Variants in COPS4 observed in about 807,000 individuals in gnomAD.
The protein encoded by COPS4 is COP9 signalosome subunit 4, also known as COP9 signalosome complex subunit 4.
A neutral mutation model predicts 55.1 loss-of-function variants in COPS4; 8 were observed. The observed-to-expected ratio is 0.15, with a 90% confidence interval of 0.09 to 0.26. The LOEUF (loss-of-function observed/expected upper bound fraction) is 0.26, where lower values mean the gene tolerates loss of function less well. Among genes scored for constraint, COPS4 ranks in the 10% least tolerant of loss-of-function variants. The pLI, the probability that COPS4 is intolerant of heterozygous loss-of-function variation, is 1.00. For missense variants in COPS4, 248 were observed against 484.0 expected (o/e 0.51, Z 4.58); for synonymous variants, 185 against 165.7 (o/e 1.12, Z -0.90).
chr4:83,045,784 T>A, intron 2 of COPS4, 79 bp downstream of exon 2: 1 of 811,622 alleles, frequency 1.2e-6, no homozygotes, highest in Non-Finnish European at 2.0e-6. Flanking sequence ...TTGTTTTGTA[T>A]CAAATTATCA....
chr4:83,055,788 C>T (rs1399438950), intron 4 of COPS4, among the ~76,000 whole-genome samples: 2 of 152,052 alleles, frequency 1.3e-5, no homozygotes, highest in Non-Finnish European at 2.9e-5. Flanking sequence ...CCAATAATAT[C>T]ATAATGGGTG....
chr4:83,056,893 TGA>T, intron 4 of COPS4, 31 bp from the exon 5 acceptor site: 2 of 1,516,154 alleles, frequency 1.3e-6, no homozygotes, highest in Non-Finnish European at 9.0e-7. Context: ...GACAAAATGT[TGA>T]GTCATTATGT....
chr4:83,038,933 G>A (rs1472318985), intron 1 of COPS4, among the ~76,000 whole-genome samples: 2 of 152,090 alleles, frequency 1.3e-5, no homozygotes, highest in South Asian at 2.1e-4. Context: ...GTGAGCCACC[G>A]CGCCTGGCCA....
intron 7 of COPS4, chr4:83,065,175 T>G: frequency 2.1e-6 from 1 of 474,244 alleles, no homozygotes; most frequent in Non-Finnish European, 3.8e-6. Context: ...TGCACCTGCC[T>G]GCTTTTTTGA....
At chr4:83,073,251 T>G (rs1409574908) in intron 9 of COPS4, 1 of 694,938 alleles carries the variant, frequency 1.4e-6, no homozygotes, top group Non-Finnish European at 2.6e-6. Context: ...ATTTACCTAG[T>G]CTGGATAGTT....
At chr4:83,045,591 C>A (rs765617130) in intron 1 of COPS4, 35 bp from the exon 2 acceptor site, 1 of 1,494,730 alleles carries the variant, frequency 6.7e-7, no homozygotes, top group South Asian at 1.1e-5. Context: ...AATATAGTAC[C>A]CTCAGAACAT....
At chr4:83,070,819 T>C (rs1359337982) in intron 9 of COPS4, among the ~76,000 whole-genome samples, 1 of 152,252 alleles carries the variant, frequency 6.6e-6, no homozygotes, top group Non-Finnish European at 1.5e-5. Flanking sequence ...CATGTTATTC[T>C]TTTGTTTACA....
At position 83,066,366 on chromosome 4, in the gene COPS4, C is replaced by G. The variant is rs548263140; in HGVS notation, c.887-72C>G. The G allele has an allele frequency of 1.5e-4, 107 of 721,934 alleles. No homozygotes were observed. The South Asian group carries it at 2.7e-3, about 18-fold the overall frequency. 44.7% of individuals were successfully genotyped at this position (721,934 alleles called of 1,614,324 possible). A position where few individuals can be genotyped will look rare whatever the true frequency, so the allele number is the denominator to read the frequency against. ...GAGTTATTACGTGCCTAGACATTTT[C>G]AGAAAAAATGATGCATCTTTTTAGA... On this transcript the variant is annotated intron_variant, in intron 7 of 9. Coordinates refer to ENST00000264389, the MANE Select transcript of COPS4 (RefSeq NM_016129.3).
chr4:83,065,929 C>T (rs1467729315), intron 7 of COPS4, among the ~76,000 whole-genome samples: 1 of 152,160 alleles, frequency 6.6e-6, no homozygotes, highest in Admixed American at 6.5e-5. Flanking sequence ...CCCAGGTGGG[C>T]GCATCACTTG....
chr4:83,045,905 GTTTATT>G (rs1730698976), intron 2 of COPS4, among the ~76,000 whole-genome samples, 200 bp downstream of exon 2: 1 of 152,070 alleles, frequency 6.6e-6, no homozygotes, highest in African/African-American at 2.4e-5. Context: ...AGTTTTGTAT[GTTTATT>G]GTTATAATAG....
At chr4:83,063,708 A>G (rs1348628132) in intron 7 of COPS4, among the ~76,000 whole-genome samples, 1 of 150,474 alleles carries the variant, frequency 6.6e-6, no homozygotes, top group Non-Finnish European at 1.5e-5. Flanking sequence ...CACCTGGCCT[A>G]TTTTTTATTT....
chr4:83,062,960 G>T (rs943332861), intron 6 of COPS4, 116 bp from the exon 7 acceptor site: 14 of 823,314 alleles, frequency 1.7e-5, no homozygotes, highest in African/African-American at 1.6e-4. Context: ...CATGAATAAT[G>T]AATACTGGCT....
At chr4:83,058,574 ACG>A (rs1731073169) in intron 6 of COPS4, among the ~76,000 whole-genome samples, 1 of 152,098 alleles carries the variant, frequency 6.6e-6, no homozygotes, top group Non-Finnish European at 1.5e-5. Flanking sequence ...GTTACTGAAA[ACG>A]CAGTACATGA....
intron 1 of COPS4, among the ~76,000 whole-genome samples, chr4:83,036,364 G>A (rs192928800): frequency 7.9e-5 from 12 of 152,086 alleles, no homozygotes; most frequent in Admixed American, 7.2e-4. Flanking sequence ...TCACTTTGAT[G>A]TATATTAATG....
At chr4:83,061,895 A>G (rs762122311) in intron 6 of COPS4, among the ~76,000 whole-genome samples, 2 of 152,234 alleles carry the variant, frequency 1.3e-5, no homozygotes, top group Non-Finnish European at 2.9e-5. Flanking sequence ...GCGAATTAGC[A>G]GAAAAAGGAA....
rs146287195 is a variant in COPS4 at position 83,061,097 on chromosome 4, C to T, written c.716-1979C>T. Among the ~76,000 whole-genome samples the T allele has an allele frequency of 8.6e-5, 13 of 151,350 alleles. No individual in the cohort carries two copies. The East Asian group carries it at 2.5e-3, about 29-fold the overall frequency. On this transcript the variant is annotated intron_variant, in intron 6 of 9. Transcript: ENST00000264389. The stretch of plus-strand genomic sequence containing the variant: ...GGGTCATTCATTACATTCTATGTTA[C>T]AAAATGGTGATTTGCTCATTCTATT...
intron 9 of COPS4, among the ~76,000 whole-genome samples, chr4:83,071,400 A>G (rs1025425446): frequency 1.8e-4 from 28 of 151,944 alleles, no homozygotes; most frequent in African/African-American, 4.8e-4. Flanking sequence ...TCCAGTATCA[A>G]TTTGCTGTAG....
chr4:83,052,852 G>T (rs1023102516), intron 4 of COPS4, among the ~76,000 whole-genome samples: 5 of 152,190 alleles, frequency 3.3e-5, no homozygotes, highest in Non-Finnish European at 7.3e-5. Flanking sequence ...CTCCCAAAGT[G>T]CTGGGATTAC....
chr4:83,048,391 G>A (rs538677648), intron 2 of COPS4, among the ~76,000 whole-genome samples: 14 of 152,272 alleles, frequency 9.2e-5, no homozygotes, highest in African/African-American at 3.1e-4. Flanking sequence ...GAAAGTATAA[G>A]TGGCAATAAC....
Sources: allele counts gnomAD v4.1 joint callset (sites outside exome capture counted in the v4.1 genomes callset), GRCh38; gene constraint gnomAD v4.1.1; transcripts MANE v1.5; gene names NCBI Gene and HGNC (gene_info 2026-07-23, HGNC 2026-07-21).